Variants in CFH observed in about 807,000 individuals in gnomAD.
CFH encodes the protein H factor 1 (complement).
A neutral mutation model predicts 147.3 loss-of-function variants in CFH; 53 were observed. The ratio of observed to expected loss-of-function variants is 0.36; its 90% CI spans 0.29 to 0.45. The LOEUF (loss-of-function observed/expected upper bound fraction) is 0.45, where lower values mean the gene tolerates loss of function less well. Among genes scored for constraint, CFH ranks in the 20% least tolerant of loss-of-function variants. CFH has a pLI of 1.00. For synonymous variants in CFH, 536 were observed against 489.4 expected (o/e 1.10, Z -1.26); for missense variants, 1,380 against 1,498.0 (o/e 0.92, Z 1.30).
intron 1 of CFH, among the ~76,000 whole-genome samples, chr1:196,652,945 T>C (rs1666553968): frequency 6.6e-6 from 1 of 151,878 alleles, no homozygotes; most frequent in African/African-American, 2.4e-5. Context: ...GAGGTTTGCT[T>C]TCCTAGTTTT....
At position 196,676,068 on chromosome 1, in the gene CFH, A is replaced by G; in HGVS notation, c.427+3A>G. On this transcript the variant is annotated splice_donor_region_variant and intron_variant, in intron 4 of 21. Transcript: ENST00000367429. ...CAATGATATTCCTATATGTGAAGGT[A>G]GACATAAAATGTATTTACAAGTATA... 6.4e-7 allele frequency: 1 copy of G among 1,564,908 alleles called. No homozygotes were observed. The highest frequency in any genetic ancestry group is 8.8e-7 in the Non-Finnish European group (1 of 1,137,528).
chr1:196,705,267 A>G (rs2149098252), intron 9 of CFH, among the ~76,000 whole-genome samples: 1 of 152,240 alleles, frequency 6.6e-6, no homozygotes, highest in South Asian at 2.1e-4. Flanking sequence ...GAAAAACTCA[A>G]TTATATATTT....
At chr1:196,697,108 G>A (rs1478607056) in intron 9 of CFH, among the ~76,000 whole-genome samples, 1 of 152,192 alleles carries the variant, frequency 6.6e-6, no homozygotes, top group Non-Finnish European at 1.5e-5. Flanking sequence ...AGGACTTCAT[G>A]TCTAAAATAC....
At chr1:196,668,041 T>C (rs1667155788) in intron 1 of CFH, among the ~76,000 whole-genome samples, 1 of 152,190 alleles carries the variant, frequency 6.6e-6, no homozygotes, top group Non-Finnish European at 1.5e-5. Context: ...TTAAACATGG[T>C]CTATTGATTT....
chr1:196,664,251 G>A (rs116609795), intron 1 of CFH, among the ~76,000 whole-genome samples: 2,030 of 152,118 alleles, frequency 0.013, 55 homozygotes, highest in African/African-American at 0.046. Context: ...TGTAGAGATG[G>A]GATCTTGCTA....
chr1:196,724,446 G>A (rs184048677), intron 11 of CFH, among the ~76,000 whole-genome samples: 4 of 152,252 alleles, frequency 2.6e-5, no homozygotes, highest in Admixed American at 2.6e-4. Context: ...ACTCACACCA[G>A]TGTGTGTGTT....
At position 196,681,258 on chromosome 1, in the gene CFH, T is replaced by C. The variant is rs1446165564; in HGVS notation, c.790+1465T>C. Among the ~76,000 whole-genome samples, 6 of 151,838 alleles carry C rather than the reference T, an allele frequency of 4.0e-5. 1 individual carries two copies. Among genetic ancestry groups the C allele is most frequent in the Admixed American group, 2.6e-4 (4 of 15,162 alleles). ...GCTTTCAATGAATTCAAAATAAGAC[T>C]CTGGGAATTTAGTTTTATTTGAATA... On this transcript the variant is annotated intron_variant, in intron 6 of 21. Coordinates refer to ENST00000367429, the MANE Select transcript of CFH (RefSeq NM_000186.4).
intron 9 of CFH, chr1:196,701,715 C>A (rs1668454412): frequency 4.3e-6 from 1 of 234,580 alleles, no homozygotes; most frequent in Non-Finnish European, 8.5e-6. Context: ...TGGGACAGAC[C>A]CAGAGACAAA....
chr1:196,721,557 T>C (rs1407540182), intron 11 of CFH, among the ~76,000 whole-genome samples: 3 of 152,026 alleles, frequency 2.0e-5, no homozygotes, highest in Non-Finnish European at 4.4e-5. Context: ...GTCGTTAAAA[T>C]GTCTGTTAGG....
intron 9 of CFH, chr1:196,700,752 C>T (rs1668427596): frequency 2.2e-6 from 2 of 910,962 alleles, no homozygotes; most frequent in Non-Finnish European, 2.6e-6. Context: ...CTGGGGCTGA[C>T]CCAGAGAGAA....
rs371443731 is a variant in CFH at position 196,715,705 on chromosome 1, T to G, written c.1632T>G (p.Thr544=). Residue 544 remains threonine (T), a synonymous_variant, in exon 11 of 22, where the codon ACT becomes ACG. Coordinates refer to ENST00000367429, the MANE Select transcript of CFH (RefSeq NM_000186.4). ...YECHDGYESN[T]GSTTGSIVCG... ...GCCATGATGGTTATGAAAGCAATAC[T>G]GGAAGCACCACTGGTTCCATAGTGT... The G allele has an allele frequency of 3.5e-5, 57 of 1,612,854 alleles. No individual in the cohort carries two copies. Among genetic ancestry groups the G allele is most frequent in the Non-Finnish European group, 4.7e-5 (56 of 1,179,276 alleles).
intron 1 of CFH, among the ~76,000 whole-genome samples, chr1:196,656,153 A>C (rs1038708843): frequency 6.6e-6 from 1 of 152,104 alleles, no homozygotes; most frequent in South Asian, 2.1e-4. Flanking sequence ...AAAATACAAA[A>C]ATTAGCCAGG....
In CFH at chr1:196,704,650, C is replaced by T. The variant is rs377737312; in HGVS notation, c.1337-9085C>T. 1.3e-4 allele frequency among the ~76,000 whole-genome samples: 20 copies of T among 152,282 alleles called. No individual in the cohort carries two copies. In the East Asian group the frequency reaches 2.1e-3, roughly 16 times the overall value. ...CAAGTCAAGTTTTGTGCAGGAGTGGCGCTGCCAAATCTAAAGCAGCGCCCT... is the reference window on the plus strand; with the variant it reads ...CAAGTCAAGTTTTGTGCAGGAGTGGTGCTGCCAAATCTAAAGCAGCGCCCT... On this transcript the variant is annotated intron_variant, in intron 9 of 21. Transcript: ENST00000367429.
chr1:196,737,071 G>T (rs576233776), intron 16 of CFH, 65 bp downstream of exon 16: 2 of 1,356,104 alleles, frequency 1.5e-6, no homozygotes, highest in African/African-American at 1.4e-5. Context: ...CTTGTGCTTC[G>T]TGTAAACAAG....
chr1:196,725,960 ATTTC>A lies in CFH; in HGVS notation c.1874-506_1874-503del, dbSNP rs1354815485. Among the ~76,000 whole-genome samples, 3 of 152,238 alleles carry A rather than the reference ATTTC, an allele frequency of 2.0e-5. No homozygotes were observed. In the East Asian group the frequency reaches 5.8e-4, roughly 29 times the overall value. On this transcript the variant is annotated intron_variant, in intron 12 of 21. Coordinates refer to ENST00000367429, the MANE Select transcript of CFH (RefSeq NM_000186.4). Reference sequence around the variant, plus strand: ...CATACTAGTGGCTGACAATGGAGGGATTTCTTTGTTAATTTTCATTTTGCTTGAA... The same window carrying A: ...CATACTAGTGGCTGACAATGGAGGGATTTGTTAATTTTCATTTTGCTTGAA...
intron 1 of CFH, among the ~76,000 whole-genome samples, chr1:196,669,923 C>T (rs746762683): frequency 3.3e-5 from 5 of 152,154 alleles, no homozygotes; most frequent in African/African-American, 9.6e-5. Flanking sequence ...GGGCAGGGGG[C>T]CATACCTTGC....
chr1:196,698,287 A>T (rs1157333620), intron 9 of CFH, among the ~76,000 whole-genome samples: 1 of 152,130 alleles, frequency 6.6e-6, no homozygotes, highest in Non-Finnish European at 1.5e-5. Flanking sequence ...TGCACCCAGG[A>T]GCTGGTTTTT....
At chr1:196,687,580 C>T (rs1038542945) in intron 7 of CFH, among the ~76,000 whole-genome samples, 1 of 151,954 alleles carries the variant, frequency 6.6e-6, no homozygotes, top group African/African-American at 2.4e-5. Context: ...TTTGAAATCT[C>T]TACTCTACCA....
At chr1:196,722,957 C>T (rs1349153748) in intron 11 of CFH, among the ~76,000 whole-genome samples, 1 of 151,904 alleles carries the variant, frequency 6.6e-6, no homozygotes, top group Admixed American at 6.6e-5. Context: ...ATTTTTAGTA[C>T]ATTTTTCATT....
Sources: gnomAD v4.1 joint callset for allele counts (sites outside exome capture counted in the v4.1 genomes callset) on GRCh38, gnomAD v4.1.1 for gene constraint, MANE v1.5 for transcripts, NCBI Gene and HGNC (gene_info 2026-07-23, HGNC 2026-07-21) for gene names.